ANK2: variants seen among roughly 807,000 people sequenced by gnomAD.
The protein encoded by ANK2 is ankyrin 2, also known as ankyrin-2.
ANK2 carries 83 observed loss-of-function variants against 360.5 expected under a neutral mutation model. The observed-to-expected ratio is 0.23, with a 90% CI of 0.19 to 0.28. The LOEUF (loss-of-function observed/expected upper bound fraction) is 0.28. Ranked by LOEUF, ANK2 falls within the 10% of genes least tolerant of loss-of-function variation. ANK2 has a pLI of 1.00. For missense variants in ANK2, 4,201 were observed against 4,795.7 expected, an observed-to-expected ratio of 0.88 and a Z score of 3.66; for synonymous variants, 1,740 against 1,759.5, an observed-to-expected ratio of 0.99 and a Z score of 0.28.
the ANK2 span, among the ~76,000 whole-genome samples, chr4:112,710,957 A>T: frequency 6.8e-6 from 1 of 146,156 alleles, no homozygotes; most frequent in Non-Finnish European, 1.5e-5. Context: ...TTATTTATTT[A>T]TTTTTTATTA....
intron 2 of ANK2, among the ~76,000 whole-genome samples, chr4:113,184,918 C>T (rs2098486876): frequency 6.6e-6 from 1 of 152,020 alleles, no homozygotes; most frequent in Non-Finnish European, 1.5e-5. Context: ...CCCATGTATT[C>T]TCATTGTTCA....
chr4:113,217,811 G>A (rs2099103753), intron 4 of ANK2, among the ~76,000 whole-genome samples: 1 of 152,308 alleles, frequency 6.6e-6, no homozygotes, highest in East Asian at 1.9e-4. Context: ...CGAACTGAAT[G>A]GTTCCATGTG....
the ANK2 span, among the ~76,000 whole-genome samples, chr4:112,769,960 C>G: frequency 6.6e-6 from 1 of 152,192 alleles, no homozygotes; most frequent in South Asian, 2.1e-4. Flanking sequence ...TCCTGGCTCT[C>G]TAGCTTGCAG....
At chr4:112,775,449 G>T in the ANK2 span, among the ~76,000 whole-genome samples, 3 of 150,780 alleles carry the variant, frequency 2.0e-5, no homozygotes, top group Admixed American at 1.3e-4. Flanking sequence ...AACCCAGGAG[G>T]TGGAGGTTGC....
intron 2 of ANK2, among the ~76,000 whole-genome samples, chr4:112,950,713 C>T (rs960051952): frequency 6.7e-6 from 1 of 150,354 alleles, no homozygotes; most frequent in African/African-American, 2.4e-5. Context: ...AGTGAAATAA[C>T]GTATTATCAT....
Position 113,358,055 on chromosome 4 carries a change from A to T in ANK2, c.9437A>T (p.Asp3146Val). The T allele has an allele frequency of 6.2e-7, 1 of 1,614,066 alleles. No homozygotes were observed. Among genetic ancestry groups the T allele is most frequent in the Non-Finnish European group, 8.5e-7 (1 of 1,179,958 alleles). Residue 3146 changes from aspartate to valine, a missense_variant, in exon 38 of 46, where the codon GAT becomes GTT. Physicochemically the swap from Asp to Val is radical, Grantham distance 152 (BLOSUM62 -3). Around this residue, in one of 4 missense-constraint regions of ANK2, gnomAD observed 2,642 missense variants for 2,714.5 expected, o/e 0.97. Transcript: ENST00000357077. Reference protein sequence around the residue: ...QESREETLSEDVKEGATGADP... With the variant: ...QESREETLSEVVKEGATGADP... ...TCCAGGGAAGAGACTCTCTCTGAAG[A>T]TGTGAAAGAAGGGGCTACTGGGGCT...
chr4:112,727,697 G>A, the ANK2 span, among the ~76,000 whole-genome samples: 4 of 152,094 alleles, frequency 2.6e-5, no homozygotes, highest in Non-Finnish European at 5.9e-5. Flanking sequence ...TCGGCTGGGC[G>A]CCTGTAATCC....
At chr4:113,362,296 G>T (rs1392987004) in intron 39 of ANK2, among the ~76,000 whole-genome samples, 1 of 152,082 alleles carries the variant, frequency 6.6e-6, no homozygotes, top group Non-Finnish European at 1.5e-5. Context: ...TAGAATTGCT[G>T]CGGAAAAGAT....
chr4:113,178,529 G>A (rs1023304169), intron 2 of ANK2, among the ~76,000 whole-genome samples: 39 of 144,596 alleles, frequency 2.7e-4, no homozygotes, highest in African/African-American at 8.5e-4. Context: ...CCAAGATTGC[G>A]CCACTGCACT....
At chr4:112,796,579 G>A in the ANK2 span, among the ~76,000 whole-genome samples, 1 of 151,208 alleles carries the variant, frequency 6.6e-6, no homozygotes, top group African/African-American at 2.4e-5. Flanking sequence ...CGAACTTCTG[G>A]CCTCAAGCAA....
intron 14 of ANK2, among the ~76,000 whole-genome samples, chr4:113,268,672 G>T (rs1051349736): frequency 1.3e-5 from 2 of 152,086 alleles, no homozygotes; most frequent in African/African-American, 2.4e-5. Flanking sequence ...GAGGATTTTC[G>T]CATTGATGTT....
chr4:113,317,413 T>C (rs1693034035), intron 24 of ANK2: 1 of 425,502 alleles, frequency 2.4e-6, no homozygotes, highest in African/African-American at 2.0e-5. Context: ...AGTAATAAAC[T>C]ACAGTTGCTG....
At chr4:113,331,285 C>T (rs188466464) in intron 27 of ANK2, among the ~76,000 whole-genome samples, 8 of 152,188 alleles carry the variant, frequency 5.3e-5, no homozygotes, top group East Asian at 3.9e-4. Flanking sequence ...TTTACTTTGC[C>T]GATGTCATAT....
chr4:113,009,034 A>G (rs1405899543), intron 2 of ANK2, among the ~76,000 whole-genome samples: 2 of 152,202 alleles, frequency 1.3e-5, no homozygotes, highest in African/African-American at 2.4e-5. Flanking sequence ...CAACACACCT[A>G]TCCACAGAAG....
At chr4:113,019,242 A>G (rs550792544) in intron 2 of ANK2, among the ~76,000 whole-genome samples, 4 of 152,304 alleles carry the variant, frequency 2.6e-5, no homozygotes, top group African/African-American at 7.2e-5. Flanking sequence ...CCAATTCTCT[A>G]TCACTACACA....
Position 113,357,277 on chromosome 4 carries a change from C to T in ANK2, c.8659C>T (p.Pro2887Ser), listed in dbSNP as rs1050108506. The T allele has an allele frequency of 2.4e-5, 39 of 1,613,906 alleles. No homozygotes were observed. The highest frequency in any genetic ancestry group is 3.1e-5 in the Non-Finnish European group (37 of 1,180,000). The change falls in exon 38 of 46, where the codon CCA (proline) becomes TCA (serine). Residue 2887 changes from proline (P) to serine (S), a missense_variant. Transcript: ENST00000357077. ...TKTDETFENL[P>S]KDCPSQDSSI... ...AACTGATGAAACATTTGAGAACTTA[C>T]CAAAGGACTGCCCCTCTCAAGACTC...
At chr4:112,948,233 C>T (rs1264930054) in intron 2 of ANK2, among the ~76,000 whole-genome samples, 4 of 152,164 alleles carry the variant, frequency 2.6e-5, no homozygotes, top group African/African-American at 9.7e-5. Context: ...GCTTGAGGGG[C>T]TGGCAGCTGC....
Position 112,865,065 on chromosome 4 carries a change from A to T in ANK2, c.-39-39390A>T, listed in dbSNP as rs964687281. On this transcript the variant is annotated intron_variant, in intron 1 of 30. Coordinates refer to the ANK2 transcript ENST00000503271. ...AAAAAAAAAAAAAAAAAAAAAAAAA[A>T]AAAAAGGAGTAGAAACCAGAGATTC... 1.1e-4 allele frequency among the ~76,000 whole-genome samples: 15 copies of T among 133,952 alleles called. 1 individual carries two copies. The highest frequency in any genetic ancestry group is 3.9e-4 in the African/African-American group (14 of 36,034). 87.9% of individuals were successfully genotyped at this position (133,952 alleles called of 152,430 possible).
chr4:112,728,626 C>T, the ANK2 span, among the ~76,000 whole-genome samples: 1 of 151,934 alleles, frequency 6.6e-6, no homozygotes, highest in Admixed American at 6.6e-5. Flanking sequence ...GTGACTTGCT[C>T]CTGTGGTCTT....
Sources: gnomAD v4.1 joint callset for allele counts (sites outside exome capture counted in the v4.1 genomes callset) on GRCh38, gnomAD v4.1.1 for gene constraint, gnomAD v4.1.1 regional missense constraint, MANE v1.5 for transcripts, NCBI Gene and HGNC (gene_info 2026-07-23, HGNC 2026-07-21) for gene names.